Variants in ACSF3 observed in about 807,000 individuals in gnomAD.
ACSF3 encodes acyl-CoA synthetase family member 3.
Under a neutral mutation model 53.2 loss-of-function variants are expected in ACSF3, and 78 were observed. That is an observed-to-expected ratio of 1.47 (90% confidence interval 1.22 to 1.77). ACSF3 has a LOEUF of 1.77. Ranked by LOEUF, ACSF3 falls within the 40% of genes most tolerant of loss-of-function variation. ACSF3 has a pLI of 0.00. For missense variants in ACSF3, 937 were observed against 771.1 expected (o/e 1.22, Z -2.55); for synonymous variants, 414 against 333.1 (o/e 1.24, Z -2.65).
rs184531250 is a variant in ACSF3 at position 89,101,664 on chromosome 16, C to T, written c.666+317C>T. 1.2e-3 allele frequency among the ~76,000 whole-genome samples: 178 copies of T among 152,268 alleles called. 1 individual carries two copies. The highest frequency in any genetic ancestry group is 4.0e-3 in the African/African-American group (168 of 41,546). On this transcript the variant is annotated intron_variant, in intron 3 of 10. Transcript: ENST00000614302. ...TGATGCTGAGGGGCTTTTCGGAGGC[C>T]AGCCACGTGTTAGGATGCGTGGTCA...
intron 8 of ACSF3, chr16:89,141,198 T>G (rs1431344765): frequency 7.8e-7 from 1 of 1,287,138 alleles, no homozygotes; most frequent in Non-Finnish European, 1.0e-6. Context: ...CCGATGCCTC[T>G]GAGCCCTTGA....
chr16:89,140,179 G>A (rs1349869534), intron 8 of ACSF3, among the ~76,000 whole-genome samples: 1 of 152,210 alleles, frequency 6.6e-6, no homozygotes, highest in Admixed American at 6.5e-5. Context: ...CTCCTGCTGG[G>A]CGGTGGCCTG....
intron 2 of ACSF3, among the ~76,000 whole-genome samples, chr16:89,099,154 G>T (rs1028541517): frequency 3.9e-5 from 6 of 152,238 alleles, no homozygotes; most frequent in Admixed American, 1.3e-4. Context: ...TCTCGCTCTG[G>T]AATGCGGGGG....
At chr16:89,096,047 A>T (rs1167393987) in intron 1 of ACSF3, among the ~76,000 whole-genome samples, 1 of 152,088 alleles carries the variant, frequency 6.6e-6, no homozygotes, top group Admixed American at 6.5e-5. Flanking sequence ...TAGAACACCG[A>T]GAGGTCCTGC....
At chr16:89,127,332 A>G (rs1908335189) in intron 7 of ACSF3, among the ~76,000 whole-genome samples, 1 of 151,974 alleles carries the variant, frequency 6.6e-6, no homozygotes, top group African/African-American at 2.4e-5. Context: ...CACCAATGAA[A>G]TCATCTGGGC....
At chr16:89,100,268 T>C (rs1474746719) in intron 2 of ACSF3, among the ~76,000 whole-genome samples, 1 of 152,276 alleles carries the variant, frequency 6.6e-6, no homozygotes, top group Non-Finnish European at 1.5e-5. Context: ...GAGCGGGGGC[T>C]GTGCTGAGCT....
At chr16:89,151,118 G>A (rs754890773) in intron 10 of ACSF3, 241 of 1,136,562 alleles carry the variant, frequency 2.1e-4, no homozygotes, top group Non-Finnish European at 2.6e-4. Flanking sequence ...GGGCTCTGAC[G>A]GGCAGGATGG....
chr16:89,094,361 G>A (rs960537721), intron 1 of ACSF3, among the ~76,000 whole-genome samples: 10 of 152,214 alleles, frequency 6.6e-5, no homozygotes, highest in Non-Finnish European at 1.0e-4. Context: ...AGTCACCCTT[G>A]AAGTACTCCC....
chr16:89,132,877 T>G (rs1909623216), intron 7 of ACSF3, among the ~76,000 whole-genome samples: 2 of 152,226 alleles, frequency 1.3e-5, no homozygotes. Flanking sequence ...GTGGCTGTTC[T>G]GGGAGGAATG....
chr16:89,107,795 G>A (rs1001188145), intron 4 of ACSF3, among the ~76,000 whole-genome samples: 3 of 152,128 alleles, frequency 2.0e-5, no homozygotes, highest in East Asian at 3.8e-4. Flanking sequence ...GTTCTCAAAC[G>A]TGGCTGCATG....
At chr16:89,139,656 C>T (rs1028411405) in intron 8 of ACSF3, among the ~76,000 whole-genome samples, 10 of 147,834 alleles carry the variant, frequency 6.8e-5, no homozygotes, top group African/African-American at 2.5e-4. Flanking sequence ...GCAGTGGCGC[C>T]ATCTCGGCTC....
In ACSF3 at chr16:89,147,113, A is replaced by G. The variant is rs568932437; in HGVS notation, c.1613+1064A>G. ...CAAAGGGGAAACAGGCACATCCTAC[A>G]TGGCCGGAGCAGGAGGGAGGAGGGA... On this transcript the variant is annotated intron_variant, in intron 10 of 10. Coordinates refer to ENST00000614302, the MANE Select transcript of ACSF3 (RefSeq NM_001243279.3). Among the ~76,000 whole-genome samples the G allele has an allele frequency of 4.6e-3, 686 of 147,964 alleles. 3 individuals carry two copies. Among genetic ancestry groups the G allele is most frequent in the African/African-American group, 0.016 (641 of 40,384 alleles).
chr16:89,101,465 A>G (rs1445640697), intron 3 of ACSF3, 118 bp downstream of exon 3: 8 of 1,530,238 alleles, frequency 5.2e-6, no homozygotes, highest in Admixed American at 4.0e-5. Flanking sequence ...AGTTGTCACC[A>G]TCCTGCAGAC....
intron 1 of ACSF3, among the ~76,000 whole-genome samples, chr16:89,096,690 A>G (rs1974649463): frequency 6.6e-6 from 1 of 152,158 alleles, no homozygotes; most frequent in African/African-American, 2.4e-5. Flanking sequence ...TCTGTGCCCT[A>G]GACACCCCGA....
chr16:89,109,229 CA>C (rs773650798), intron 4 of ACSF3, among the ~76,000 whole-genome samples: 4,983 of 68,550 alleles, frequency 0.073, 229 homozygotes, highest in East Asian at 0.27. Flanking sequence ...AAGACTGTCT[CA>C]AAAAAAAAAA....
At chr16:89,103,238 G>A (rs1371660902) in intron 4 of ACSF3, among the ~76,000 whole-genome samples, 3 of 152,234 alleles carry the variant, frequency 2.0e-5, no homozygotes, top group African/African-American at 7.2e-5. Flanking sequence ...TGCTGCCCGC[G>A]AGCTCCTGCG....
intron 7 of ACSF3, among the ~76,000 whole-genome samples, chr16:89,124,077 GCCTAGTGTGCGCATGGGT>G: frequency 2.7e-4 from 1 of 3,670 alleles, no homozygotes; most frequent in Admixed American, 4.9e-3. Flanking sequence ...TCACACACAT[GCCTAGTGTGCGCATGGGT>G]ATCACACACA....
chr16:89,113,366 C>A (rs367894023), intron 5 of ACSF3: 1 of 152,266 alleles, frequency 6.6e-6, no homozygotes, highest in African/African-American at 2.4e-5. Flanking sequence ...TGAACCGCTT[C>A]GCTCTCTTTG....
At chr16:89,142,729 C>G (rs1597234871) in intron 8 of ACSF3, among the ~76,000 whole-genome samples, 1 of 150,432 alleles carries the variant, frequency 6.6e-6, no homozygotes, top group East Asian at 2.0e-4. Context: ...ACAGCCACAC[C>G]TATAGACACA....
Sources: gnomAD v4.1 joint callset for allele counts (sites outside exome capture counted in the v4.1 genomes callset) on GRCh38, gnomAD v4.1.1 for gene constraint, MANE v1.5 for transcripts, NCBI Gene and HGNC (gene_info 2026-07-23, HGNC 2026-07-21) for gene names.